Variants in MGME1 observed in about 807,000 individuals in gnomAD.
MGME1 encodes chromosome 20 open reading frame 72.
MGME1 carries 22 observed loss-of-function variants against 33.0 expected under a neutral mutation model. The ratio of observed to expected loss-of-function variants is 0.67; its 90% confidence interval spans 0.48 to 0.95. MGME1 has a LOEUF of 0.95. Among genes scored for constraint, MGME1 ranks in the 40% least tolerant of loss-of-function variants. The pLI, the probability that MGME1 is intolerant of heterozygous loss-of-function variation, is 0.00. For missense variants in MGME1, 383 were observed against 397.8 expected (o/e 0.96, Z 0.32); for synonymous variants, 133 against 144.0 (o/e 0.92, Z 0.55).
intron 2 of MGME1, 147 bp downstream of exon 2, chr20:17,970,517 T>TA: frequency 1.4e-6 from 1 of 732,250 alleles, no homozygotes; most frequent in Non-Finnish European, 2.2e-6. Context: ...AATAGCACTT[T>TA]ATGTGTATTA....
intron 3 of MGME1, among the ~76,000 whole-genome samples, chr20:17,979,566 C>T (rs980961545): frequency 2.0e-5 from 3 of 151,242 alleles, no homozygotes; most frequent in African/African-American, 2.4e-5. Context: ...CATGCCACCA[C>T]GCCCGGCTAA....
chr20:17,978,023 A>G (rs943943423), intron 3 of MGME1, among the ~76,000 whole-genome samples: 2 of 152,200 alleles, frequency 1.3e-5, no homozygotes, highest in African/African-American at 2.4e-5. Flanking sequence ...CCACAGCCCA[A>G]TACAAATTCG....
Position 17,984,022 on chromosome 20 carries a change from C to T in MGME1, c.732-4144C>T, listed in dbSNP as rs2036095974. 5.3e-5 allele frequency among the ~76,000 whole-genome samples: 8 copies of T among 152,060 alleles called. No homozygotes were observed. In the South Asian group the frequency reaches 1.7e-3, roughly 32 times the overall value. On this transcript the variant is annotated intron_variant, in intron 3 of 4. Transcript: ENST00000377710. Reference sequence around the variant, plus strand: ...CATGGCTCAGATCAGTGTTGGGGAGCTTTTCTCCTGTTTTTTTTCTAGTAG... The same window carrying T: ...CATGGCTCAGATCAGTGTTGGGGAGTTTTTCTCCTGTTTTTTTTCTAGTAG...
At chr20:17,970,402 G>T in intron 2 of MGME1, 32 bp downstream of exon 2, 1 of 1,567,600 alleles carries the variant, frequency 6.4e-7, no homozygotes, top group Non-Finnish European at 8.6e-7. Context: ...CTATATGTTT[G>T]CTATGTTTTC....
Position 17,990,176 on chromosome 20 carries a change from C to G in MGME1, c.*67C>G, listed in dbSNP as rs780972791. The G allele has an allele frequency of 5.0e-6, 7 of 1,410,450 alleles. No homozygotes were observed. The highest frequency in any genetic ancestry group is 7.0e-6 in the Non-Finnish European group (7 of 998,282). 87.4% of individuals were successfully genotyped at this position (1,410,450 alleles called of 1,614,324 possible). A position where few individuals can be genotyped will look rare whatever the true frequency, so the allele number is the denominator to read the frequency against. On this transcript the variant is annotated 3_prime_UTR_variant, in exon 5 of 5. Transcript: ENST00000377710. The stretch of plus-strand genomic sequence containing the variant: ...GTTTGGGAACATATATTGCTGTTTA[C>G]TCCAGTGTAAAAATGAGGTGCCACT...
chr20:17,984,220 G>T (rs1052466737), intron 3 of MGME1, among the ~76,000 whole-genome samples: 1 of 152,120 alleles, frequency 6.6e-6, no homozygotes, highest in Non-Finnish European at 1.5e-5. Context: ...GTAAATTCAT[G>T]GTTTTGTTTC....
intron 3 of MGME1, among the ~76,000 whole-genome samples, chr20:17,979,117 C>A (rs1353006141): frequency 1.3e-5 from 2 of 151,632 alleles, no homozygotes; most frequent in African/African-American, 2.4e-5. Context: ...TGTTCAGTTG[C>A]CCAAGCTGGA....
rs183196388 is a variant in MGME1 at position 17,976,850 on chromosome 20, G to A, written c.731+947G>A. The stretch of plus-strand genomic sequence containing the variant: ...CTGATTTTGTATTTTTAGTAGAGAT[G>A]GGGTTTCTCCATGTTGGTCAGGCTG... On this transcript the variant is annotated intron_variant, in intron 3 of 4. Coordinates refer to ENST00000377710, the MANE Select transcript of MGME1 (RefSeq NM_052865.4). Among the ~76,000 whole-genome samples the A allele has an allele frequency of 3.0e-3, 461 of 151,822 alleles. 1 individual carries two copies. Among genetic ancestry groups the A allele is most frequent in the African/African-American group, 0.011 (444 of 41,448 alleles).
intron 3 of MGME1, among the ~76,000 whole-genome samples, chr20:17,981,482 A>T (rs79180339): frequency 0.089 from 13,534 of 152,268 alleles, 843 homozygotes; most frequent in Middle Eastern, 0.13. Flanking sequence ...TATTCAGTAG[A>T]TGTTACATTA....
intron 3 of MGME1, among the ~76,000 whole-genome samples, chr20:17,985,677 T>C (rs2036137923): frequency 6.6e-6 from 1 of 152,164 alleles, no homozygotes; most frequent in Non-Finnish European, 1.5e-5. Context: ...TACTGTTTTT[T>C]ATCTTTTATA....
chr20:17,988,901 G>A (rs2036221607), intron 4 of MGME1, among the ~76,000 whole-genome samples: 1 of 151,072 alleles, frequency 6.6e-6, no homozygotes, highest in Admixed American at 6.6e-5. Flanking sequence ...TCCAGCCTGG[G>A]CAACATAGTG....
In MGME1 at chr20:17,988,351, A is replaced by G. The variant is rs1004867101; in HGVS notation, c.864+53A>G. The G allele has an allele frequency of 4.5e-5, 72 of 1,586,034 alleles. No individual in the cohort carries two copies. The Admixed American group carries it at 5.4e-4, about 12-fold the overall frequency. On this transcript the variant is annotated intron_variant, in intron 4 of 4. Coordinates refer to ENST00000377710, the MANE Select transcript of MGME1 (RefSeq NM_052865.4). Reference sequence around the variant, plus strand: ...CTTTGCTCAATGCTTACTTAAAACTATAACTCCGGGCCGGGCGCAGTGGCT... The same window carrying G: ...CTTTGCTCAATGCTTACTTAAAACTGTAACTCCGGGCCGGGCGCAGTGGCT...
In MGME1 at chr20:17,975,554, CA is replaced by C. The variant is rs894514527; in HGVS notation, c.512-116del. The stretch of plus-strand genomic sequence containing the variant: ...CTGGGCGACAGAGGGAGACTCCATC[CA>C]AAAAAAAAAAAAAGAAAAAAAAATG... On this transcript the variant is annotated intron_variant, in intron 2 of 4. Transcript: ENST00000377710. 0.23 allele frequency: 114,015 copies of C among 503,934 alleles called. 1 individual carries two copies. Among genetic ancestry groups the C allele is most frequent in the South Asian group, 0.3 (11,206 of 37,260 alleles). The allele number at this position is 503,934 out of a possible 1,614,324, so 31.2% of individuals were successfully genotyped here.
intron 3 of MGME1, among the ~76,000 whole-genome samples, chr20:17,985,044 A>C (rs1489606441): frequency 1.2e-3 from 187 of 151,062 alleles, no homozygotes; most frequent in African/African-American, 4.3e-3. Flanking sequence ...CTCAAAAAAA[A>C]AAAAAAAAAA....
intron 3 of MGME1, among the ~76,000 whole-genome samples, chr20:17,979,039 A>G (rs1435112584): frequency 6.6e-6 from 1 of 151,506 alleles, no homozygotes; most frequent in Non-Finnish European, 1.5e-5. Context: ...CAGCCTCCCA[A>G]AGTGCTGGGA....
chr20:17,970,017 CTAATT>C lies in MGME1; in HGVS notation c.161_165del (p.Asn54SerfsTer31), dbSNP rs1192636711. On this transcript the variant is annotated frameshift_variant, in exon 2 of 5. Transcript: ENST00000377710. LOFTEE classifies it high-confidence loss of function. ...GAAGAAGTGGACCAAGAAAAATACTCTAATTTAGTTCAGTCTGTCTTGTCATCCAG... is the reference window on the plus strand; with the variant it reads ...GAAGAAGTGGACCAAGAAAAATACTCTAGTTCAGTCTGTCTTGTCATCCAG... 6 of 1,614,138 alleles carry C rather than the reference CTAATT, an allele frequency of 3.7e-6. No individual in the cohort carries two copies. Among genetic ancestry groups the C allele is most frequent in the Non-Finnish European group, 4.2e-6 (5 of 1,180,020 alleles).
chr20:17,972,277 G>T (rs6132015), intron 2 of MGME1, among the ~76,000 whole-genome samples: 1 of 152,032 alleles, frequency 6.6e-6, no homozygotes, highest in African/African-American at 2.4e-5. Flanking sequence ...CTTCTCAAAG[G>T]TGAGAGCATA....
chr20:17,988,076 TAACA>T, intron 3 of MGME1, 86 bp from the exon 4 acceptor site: 1 of 1,295,282 alleles, frequency 7.7e-7, no homozygotes, highest in Non-Finnish European at 1.1e-6. Context: ...GGCTGACAAG[TAACA>T]AACTATACAT....
Position 17,975,673 on chromosome 20 carries a change from T to G in MGME1, c.512-11T>G. ...TTTCCCCCCTCCCCTTTTCCCTGAT[T>G]TTCTTTTCAGACGTCTTTTTACAAG... is the stretch of plus-strand genomic sequence containing the variant. On this transcript the variant is annotated splice_polypyrimidine_tract_variant and intron_variant, in intron 2 of 4. Transcript: ENST00000377710. The G allele has an allele frequency of 6.2e-7, 1 of 1,606,880 alleles. No homozygotes were observed. Among genetic ancestry groups the G allele is most frequent in the Non-Finnish European group, 8.5e-7 (1 of 1,173,982 alleles).
Sources: allele counts gnomAD v4.1 joint callset (sites outside exome capture counted in the v4.1 genomes callset), GRCh38; gene constraint gnomAD v4.1.1; transcripts MANE v1.5; gene names NCBI Gene and HGNC (gene_info 2026-07-23, HGNC 2026-07-21).